The following NDNF variants were observed in gnomAD, a reference collection of about 807,000 sequenced individuals.
NDNF encodes the protein protein NDNF.
NDNF carries 16 observed loss-of-function variants against 42.0 expected under a neutral mutation model. That is an observed-to-expected ratio of 0.38 (90% confidence interval 0.26 to 0.58). The LOEUF is 0.58. NDNF is among the 20% of genes least tolerant of loss of function. The pLI is 0.67. For missense variants in NDNF, 616 were observed against 666.2 expected, an observed-to-expected ratio of 0.92 and a Z score of 0.83; for synonymous variants, 248 against 251.7, an observed-to-expected ratio of 0.99 and a Z score of 0.14.
chr4:121,045,650 C>T lies in NDNF; in HGVS notation c.188G>A (p.Arg63Lys), dbSNP rs1727077045. The T allele has an allele frequency of 1.2e-6, 2 of 1,612,972 alleles. No individual in the cohort carries two copies. The change falls in exon 2 of 4, where the codon AGG (arginine) becomes AAG (lysine). Residue 63 changes from arginine (R) to lysine (K), a missense_variant and splice_region_variant. Arg to Lys is a conservative substitution (Grantham distance 26). Transcript: ENST00000379692. ...AAAGAAAATACTGCAGGGAGAATAC[C>T]TCTTAGGTGTATCTCTAAAGAGATA... ...SSYLFRDTPK[R>K]YFFVVEEDNT...
rs1256499989 is a variant in NDNF, at chr4:121,072,369, G to C, written c.-378C>G. On this transcript the variant is annotated 5_prime_UTR_variant, in exon 1 of 4. Transcript: ENST00000379692. The stretch of plus-strand genomic sequence containing the variant: ...CTGGGCGGCGGGAGGATGCCGCAGC[G>C]ACCCGCGGGGCTGGCGCGGGCTTCG... 1 of 151,560 alleles carries C rather than the reference G, an allele frequency of 6.6e-6. No individual in the cohort carries two copies. The highest frequency in any genetic ancestry group is 2.4e-5 in the African/African-American group (1 of 41,398). 9.4% of individuals were successfully genotyped at this position (151,560 alleles called of 1,614,324 possible). A position where few individuals can be genotyped will look rare whatever the true frequency, so the allele number is the denominator to read the frequency against.
chr4:121,058,347 G>C (rs1727339506), intron 1 of NDNF, among the ~76,000 whole-genome samples: 1 of 152,112 alleles, frequency 6.6e-6, no homozygotes, highest in Admixed American at 6.6e-5. Context: ...CTGAAGCCCA[G>C]GCACCTAACC....
intron 1 of NDNF, among the ~76,000 whole-genome samples, chr4:121,055,449 G>A (rs1420896401): frequency 1.3e-5 from 2 of 152,118 alleles, no homozygotes; most frequent in African/African-American, 2.4e-5. Flanking sequence ...TTATAGGAAC[G>A]TGCATATGAT....
chr4:121,051,030 A>C (rs1443975387), intron 1 of NDNF, among the ~76,000 whole-genome samples: 1 of 152,172 alleles, frequency 6.6e-6, no homozygotes, highest in Non-Finnish European at 1.5e-5. Context: ...TTAGATCAAA[A>C]ATGTGGAAAC....
At chr4:121,044,651 T>C (rs1727057587) in intron 2 of NDNF, among the ~76,000 whole-genome samples, 1 of 152,164 alleles carries the variant, frequency 6.6e-6, no homozygotes, top group Non-Finnish European at 1.5e-5. Flanking sequence ...ATAATATTTG[T>C]TGAAGAAATA....
chr4:121,039,872 C>T (rs953529002), intron 3 of NDNF, 58 bp downstream of exon 3: 143 of 1,560,402 alleles, frequency 9.2e-5, no homozygotes, highest in Non-Finnish European at 1.2e-4. Flanking sequence ...TTGTATGTTT[C>T]ACAAGCATTA....
Position 121,036,184 on chromosome 4 carries a change from G to A in NDNF, c.*80C>T. Reference sequence around the variant, plus strand: ...GTACAGGTCACAACTTCTCTCAACTGTGGGAGTAGTCAGTTTATACTTAAA... The same window carrying A: ...GTACAGGTCACAACTTCTCTCAACTATGGGAGTAGTCAGTTTATACTTAAA... On this transcript the variant is annotated 3_prime_UTR_variant, in exon 4 of 4. Coordinates refer to ENST00000379692, the MANE Select transcript of NDNF (RefSeq NM_024574.4). The A allele has an allele frequency of 1.8e-6, 2 of 1,132,482 alleles. No homozygotes were observed. Among genetic ancestry groups the A allele is most frequent in the Non-Finnish European group, 1.3e-6 (1 of 786,950 alleles). 70.2% of individuals were successfully genotyped at this position (1,132,482 alleles called of 1,614,324 possible).
chr4:121,048,621 C>T (rs994185205), intron 1 of NDNF, among the ~76,000 whole-genome samples: 6 of 152,124 alleles, frequency 3.9e-5, no homozygotes, highest in African/African-American at 9.7e-5. Context: ...AGGTGGATCA[C>T]GAGGTCAGGA....
chr4:121,063,341 C>A (rs1048264218), intron 1 of NDNF, among the ~76,000 whole-genome samples: 2 of 152,116 alleles, frequency 1.3e-5, no homozygotes, highest in African/African-American at 4.8e-5. Context: ...CCCAAATTTT[C>A]TTATTGGGCT....
At chr4:121,046,091 C>G (rs1169414908) in intron 1 of NDNF, among the ~76,000 whole-genome samples, 1 of 152,186 alleles carries the variant, frequency 6.6e-6, no homozygotes, top group Non-Finnish European at 1.5e-5. Context: ...ACTCTTGCTG[C>G]ATTAACTTCT....
intron 3 of NDNF, among the ~76,000 whole-genome samples, chr4:121,039,192 G>GTA (rs57613027): frequency 0.033 from 710 of 21,404 alleles, 11 homozygotes; most frequent in African/African-American, 0.049. Context: ...GTGTGTGTGT[G>GTA]TATATATATA....
At chr4:121,047,251 G>A (rs564117106) in intron 1 of NDNF, among the ~76,000 whole-genome samples, 3 of 152,294 alleles carry the variant, frequency 2.0e-5, no homozygotes, top group African/African-American at 7.2e-5. Flanking sequence ...TTCACAACGA[G>A]CTTGTGCAAA....
At chr4:121,039,593 T>C (rs1726960442) in intron 3 of NDNF, among the ~76,000 whole-genome samples, 1 of 152,028 alleles carries the variant, frequency 6.6e-6, no homozygotes, top group Admixed American at 6.6e-5. Context: ...AATCAGACCT[T>C]TGCAAGATCT....
At chr4:121,066,871 G>C (rs556821221) in intron 1 of NDNF, among the ~76,000 whole-genome samples, 1 of 152,186 alleles carries the variant, frequency 6.6e-6, no homozygotes, top group Non-Finnish European at 1.5e-5. Context: ...TATGTTCTCA[G>C]AGCACACAGC....
intron 2 of NDNF, among the ~76,000 whole-genome samples, chr4:121,045,105 C>A (rs954083266): frequency 1.3e-5 from 2 of 152,226 alleles, no homozygotes; most frequent in African/African-American, 4.8e-5. Flanking sequence ...GTAATCCCAG[C>A]ATTTTGGGCG....
At chr4:121,048,358 T>A (rs562429278) in intron 1 of NDNF, among the ~76,000 whole-genome samples, 11 of 152,216 alleles carry the variant, frequency 7.2e-5, no homozygotes, top group African/African-American at 2.7e-4. Context: ...TTAGGCCCCA[T>A]GTTTGCCCAC....
intron 1 of NDNF, among the ~76,000 whole-genome samples, chr4:121,069,581 G>A (rs991932030): frequency 2.0e-5 from 3 of 152,220 alleles, no homozygotes; most frequent in Admixed American, 2.0e-4. Flanking sequence ...CTAAGTCTTT[G>A]ACATACAGGT....
chr4:121,051,953 C>T (rs1051798000), intron 1 of NDNF, among the ~76,000 whole-genome samples: 10 of 152,262 alleles, frequency 6.6e-5, no homozygotes, highest in Admixed American at 2.6e-4. Flanking sequence ...TTCTTTTGGG[C>T]TTTCATGTAA....
intron 2 of NDNF, 76 bp from the exon 3 acceptor site, chr4:121,040,130 T>C (rs1726972386): frequency 2.2e-6 from 3 of 1,395,296 alleles, no homozygotes; most frequent in African/African-American, 1.5e-5. Context: ...AGAAAAATCA[T>C]TTGGTTTTAA....
Sources: allele counts gnomAD v4.1 joint callset (sites outside exome capture counted in the v4.1 genomes callset), GRCh38; gene constraint gnomAD v4.1.1; transcripts MANE v1.5; gene names NCBI Gene and HGNC (gene_info 2026-07-23, HGNC 2026-07-21).